The following MSH4 variants were observed in gnomAD, a reference collection of about 807,000 sequenced individuals.
The protein encoded by MSH4 is mutS homolog 4, also known as mutS protein homolog 4.
MSH4 carries 106 observed loss-of-function variants against 113.7 expected under a neutral mutation model. The ratio of observed to expected loss-of-function variants is 0.93; its 90% confidence interval spans 0.80 to 1.10. The LOEUF is 1.10. Among genes scored for constraint, MSH4 ranks in the 50% least tolerant of loss-of-function variants. MSH4 has a pLI of 0.00. For synonymous variants in MSH4, 368 were observed against 380.2 expected (o/e 0.97, Z 0.37); for missense variants, 1,061 against 1,093.7 (o/e 0.97, Z 0.42).
chr1:75,848,134 GATA>G (rs1651113777), intron 7 of MSH4, 72 bp from the exon 8 acceptor site: 4 of 922,008 alleles, frequency 4.3e-6, no homozygotes, highest in Non-Finnish European at 6.8e-6. Flanking sequence ...ATTCTTTGAG[GATA>G]ATATTTTACA....
intron 7 of MSH4, among the ~76,000 whole-genome samples, chr1:75,841,356 C>A (rs1650956144): frequency 6.6e-6 from 1 of 151,990 alleles, no homozygotes; most frequent in African/African-American, 2.4e-5. Flanking sequence ...CACCACCATG[C>A]CTGGCTAATT....
rs575653429 is a variant in MSH4, at chr1:75,858,324, G to A, written c.1231-9190G>A. ...TATGTTGAATAGGAGTGGTGAGAAA[G>A]GGCATCCTTGTCTTGTGCCAGTTTT... On this transcript the variant is annotated intron_variant, in intron 8 of 19. Coordinates refer to ENST00000263187, the MANE Select transcript of MSH4 (RefSeq NM_002440.4). 5.9e-5 allele frequency among the ~76,000 whole-genome samples: 9 copies of A among 152,318 alleles called. No homozygotes were observed. The East Asian group carries it at 1.7e-3, about 29-fold the overall frequency.
intron 13 of MSH4, among the ~76,000 whole-genome samples, chr1:75,880,921 G>A (rs769574192): frequency 1.5e-4 from 23 of 151,926 alleles, no homozygotes; most frequent in Middle Eastern, 3.4e-3. Flanking sequence ...CAAGTATAAT[G>A]AGGGCTTGAT....
intron 4 of MSH4, among the ~76,000 whole-genome samples, chr1:75,814,708 C>T (rs1447929955): frequency 1.3e-5 from 2 of 151,590 alleles, no homozygotes; most frequent in East Asian, 1.9e-4. Flanking sequence ...TACTAAAAGG[C>T]AAAAGATTAC....
chr1:75,903,687 C>A (rs1652559125), intron 19 of MSH4, among the ~76,000 whole-genome samples: 1 of 151,982 alleles, frequency 6.6e-6, no homozygotes, highest in Non-Finnish European at 1.5e-5. Flanking sequence ...TTCTTCCAGT[C>A]CATAAATGGG....
Position 75,805,554 on chromosome 1 carries a change from A to ATT in MSH4, c.428-1416_428-1415dup, listed in dbSNP as rs5775309. Among the ~76,000 whole-genome samples the ATT allele has an allele frequency of 5.8e-3, 868 of 149,090 alleles. 7 individuals are homozygous for ATT. Among genetic ancestry groups the ATT allele is most frequent in the Non-Finnish European group, 8.5e-3 (573 of 67,112 alleles). On this transcript the variant is annotated intron_variant, in intron 2 of 19. Coordinates refer to ENST00000263187, the MANE Select transcript of MSH4 (RefSeq NM_002440.4). ...AGGCATGCATCACCATGCTCAGCCAATTTTTTTTTTTTAGTAGAGATGGGG... is the reference window on the plus strand; with the variant it reads ...AGGCATGCATCACCATGCTCAGCCAATTTTTTTTTTTTTTAGTAGAGATGGGG...
intron 15 of MSH4, among the ~76,000 whole-genome samples, chr1:75,888,596 G>T (rs1371723649): frequency 1.6e-5 from 2 of 122,260 alleles, no homozygotes; most frequent in African/African-American, 2.8e-5. Context: ...ATTTTCTTCA[G>T]ATTTTCATAT....
intron 13 of MSH4, among the ~76,000 whole-genome samples, chr1:75,880,737 T>C (rs947199569): frequency 6.6e-6 from 1 of 151,966 alleles, no homozygotes; most frequent in Non-Finnish European, 1.5e-5. Flanking sequence ...AACTCTGCCT[T>C]ATAAAAACTT....
At chr1:75,876,363 T>C (rs903665418) in intron 9 of MSH4, among the ~76,000 whole-genome samples, 3 of 152,128 alleles carry the variant, frequency 2.0e-5, no homozygotes, top group African/African-American at 7.2e-5. Context: ...TTATTTTCTG[T>C]TCATAAGCAA....
At chr1:75,904,606 G>A (rs991383327) in intron 19 of MSH4, among the ~76,000 whole-genome samples, 2 of 151,356 alleles carry the variant, frequency 1.3e-5, no homozygotes, top group African/African-American at 2.4e-5. Flanking sequence ...TGACCTCCTA[G>A]CTCAAGTAAT....
At chr1:75,832,173 C>T (rs1650709636) in intron 7 of MSH4, among the ~76,000 whole-genome samples, 1 of 152,156 alleles carries the variant, frequency 6.6e-6, no homozygotes, top group Non-Finnish European at 1.5e-5. Context: ...TGCAAATAAA[C>T]TAGAAAATCT....
chr1:75,875,331 A>T (rs555617155), intron 9 of MSH4, among the ~76,000 whole-genome samples: 5 of 152,306 alleles, frequency 3.3e-5, no homozygotes, highest in Non-Finnish European at 7.4e-5. Flanking sequence ...CTGCAGAAAA[A>T]ACGCCTACAG....
At chr1:75,879,350 T>G (rs1007313346) in intron 12 of MSH4, among the ~76,000 whole-genome samples, 1 of 151,994 alleles carries the variant, frequency 6.6e-6, no homozygotes, top group Non-Finnish European at 1.5e-5. Flanking sequence ...GAGCTTGGTG[T>G]AAGAAAAAAA....
chr1:75,909,012 T>C (rs1017681257), intron 19 of MSH4, among the ~76,000 whole-genome samples: 5 of 152,186 alleles, frequency 3.3e-5, no homozygotes, highest in African/African-American at 1.2e-4. Flanking sequence ...TCGACTGAAA[T>C]GAGGAGTAGT....
In MSH4 at chr1:75,822,418, C is replaced by G. The variant is rs1012218497; in HGVS notation, c.999C>G (p.His333Gln). ...TCTTGTGTTTTGAAAGGAATAATCA[C>G]ACTCTCTTTGGTGTTCTAAATTATA... The part of the protein sequence containing the change: ...LINNQDYRNN[H>Q]TLFGVLNYTK... Residue 333 changes from histidine (H) to glutamine (Q), a missense_variant, in exon 7 of 20, where the codon CAC becomes CAG. Coordinates refer to ENST00000263187, the MANE Select transcript of MSH4 (RefSeq NM_002440.4). The G allele has an allele frequency of 6.5e-7, 1 of 1,548,554 alleles. No individual in the cohort carries two copies. The highest frequency in any genetic ancestry group is 8.7e-7 in the Non-Finnish European group (1 of 1,156,036).
At chr1:75,832,302 C>G (rs184744718) in intron 7 of MSH4, among the ~76,000 whole-genome samples, 171 of 152,214 alleles carry the variant, frequency 1.1e-3, no homozygotes, top group African/African-American at 3.5e-3. Context: ...TAATAGCCTA[C>G]CAACCAAAAA....
intron 5 of MSH4, 24 bp from the exon 6 acceptor site, chr1:75,816,349 G>A (rs774652462): frequency 6.6e-7 from 1 of 1,520,158 alleles, no homozygotes; most frequent in Non-Finnish European, 8.9e-7. Flanking sequence ...GACTTATAGT[G>A]ATGTATTATT....
At chr1:75,900,372 G>A (rs1652480809) in intron 19 of MSH4, among the ~76,000 whole-genome samples, 1 of 152,022 alleles carries the variant, frequency 6.6e-6, no homozygotes, top group Admixed American at 6.6e-5. Context: ...CATGATCTCG[G>A]CTCACTGCAA....
At chr1:75,872,930 C>T (rs1212776636) in intron 9 of MSH4, among the ~76,000 whole-genome samples, 1 of 152,134 alleles carries the variant, frequency 6.6e-6, no homozygotes, top group Non-Finnish European at 1.5e-5. Flanking sequence ...ACATTATTGC[C>T]TCAGAAAGAC....
Sources: gnomAD v4.1 joint callset for allele counts (sites outside exome capture counted in the v4.1 genomes callset) on GRCh38, gnomAD v4.1.1 for gene constraint, MANE v1.5 for transcripts, NCBI Gene and HGNC (gene_info 2026-07-23, HGNC 2026-07-21) for gene names.